CPQ: variants seen among roughly 807,000 people sequenced by gnomAD.
The protein encoded by CPQ is Ser-Met dipeptidase.
Under a neutral mutation model 45.7 loss-of-function variants are expected in CPQ, and 37 were observed. The ratio of observed to expected loss-of-function variants is 0.81; its 90% CI spans 0.62 to 1.07. The LOEUF is 1.07. Among genes scored for constraint, CPQ ranks in the 50% least tolerant of loss-of-function variants. The probability of loss-of-function intolerance (pLI) is 0.00; values close to 1 mark genes in which losing one functional copy is unlikely to be tolerated. For missense variants in CPQ, 537 were observed against 572.9 expected, an observed-to-expected ratio of 0.94 and a Z score of 0.64; for synonymous variants, 186 against 205.8, an observed-to-expected ratio of 0.90 and a Z score of 0.82.
chr8:96,880,391 G>A (rs1812204825), intron 4 of CPQ, among the ~76,000 whole-genome samples: 2 of 151,694 alleles, frequency 1.3e-5, no homozygotes, highest in African/African-American at 4.8e-5. Flanking sequence ...CCAAAGGAAA[G>A]TAAATTGTTC....
chr8:96,963,824 C>A (rs193042662), intron 4 of CPQ, among the ~76,000 whole-genome samples: 108 of 152,220 alleles, frequency 7.1e-4, no homozygotes, highest in Non-Finnish European at 1.2e-3. Context: ...TCCTCTACCC[C>A]CTTTTTGTCA....
intron 1 of CPQ, among the ~76,000 whole-genome samples, chr8:96,776,547 C>G (rs756620976): frequency 2.6e-5 from 4 of 152,010 alleles, no homozygotes; most frequent in African/African-American, 4.8e-5. Context: ...TTTATCATAG[C>G]CTGAGACATT....
intron 1 of CPQ, among the ~76,000 whole-genome samples, chr8:96,657,019 C>CT (rs201700797): frequency 0.024 from 3,473 of 143,966 alleles, 132 homozygotes; most frequent in African/African-American, 0.079. Context: ...CTCTGGTTAC[C>CT]TTTTTTTTTT....
At chr8:97,012,743 T>A (rs990093138) in intron 5 of CPQ, among the ~76,000 whole-genome samples, 2 of 152,158 alleles carry the variant, frequency 1.3e-5, no homozygotes, top group Non-Finnish European at 2.9e-5. Context: ...TTAGAAGATA[T>A]ATCAAAATGA....
At chr8:97,123,138 TAAAATAAAATAAATAAAATA>T (rs1811772230) in intron 7 of CPQ, among the ~76,000 whole-genome samples, 1 of 51,504 alleles carries the variant, frequency 1.9e-5, no homozygotes, top group Admixed American at 2.1e-4. Flanking sequence ...TAAAATAAAA[TAAAATAAAATAAATAAAATA>T]AAATAAAATA....
Position 96,767,832 on chromosome 8 carries a change from A to G in CPQ, c.-34-17032A>G, listed in dbSNP as rs1324171345. On this transcript the variant is annotated intron_variant, in intron 1 of 7. Coordinates refer to ENST00000220763, the MANE Select transcript of CPQ (RefSeq NM_016134.4). ...CTAATTTATGGTATTTTTAGTAGAG[A>G]CAGGGTTTCACATGTTGGCCAGGCT... Among the ~76,000 whole-genome samples, 4 of 151,694 alleles carry G rather than the reference A, an allele frequency of 2.6e-5. No homozygotes were observed. The East Asian group carries it at 7.8e-4, about 29-fold the overall frequency.
At chr8:96,887,292 A>G (rs1229172918) in intron 4 of CPQ, among the ~76,000 whole-genome samples, 2 of 152,234 alleles carry the variant, frequency 1.3e-5, no homozygotes, top group Non-Finnish European at 1.5e-5. Flanking sequence ...TGCTTTGACC[A>G]GGCTAACATG....
At chr8:97,062,535 C>T (rs1383426763) in intron 6 of CPQ, among the ~76,000 whole-genome samples, 1 of 152,126 alleles carries the variant, frequency 6.6e-6, no homozygotes, top group Non-Finnish European at 1.5e-5. Context: ...GGAAACTTGC[C>T]TCCTGAGAGT....
intron 5 of CPQ, among the ~76,000 whole-genome samples, chr8:96,987,067 T>C (rs1808998728): frequency 6.6e-6 from 1 of 152,064 alleles, no homozygotes; most frequent in Non-Finnish European, 1.5e-5. Context: ...ATCTTTCAAA[T>C]CCCTCCATAG....
chr8:96,645,656 G>A (rs765107822), intron 1 of CPQ, among the ~76,000 whole-genome samples: 1 of 152,060 alleles, frequency 6.6e-6, no homozygotes, highest in Non-Finnish European at 1.5e-5. Flanking sequence ...TGACGTGGGG[G>A]TGGTGGAGGG....
intron 5 of CPQ, among the ~76,000 whole-genome samples, chr8:96,981,696 A>T (rs754155432): frequency 2.6e-5 from 4 of 152,248 alleles, no homozygotes; most frequent in Admixed American, 1.3e-4. Flanking sequence ...AAACTTATAA[A>T]GCAGAGGTTT....
intron 7 of CPQ, among the ~76,000 whole-genome samples, chr8:97,103,908 C>T (rs1177990715): frequency 6.6e-6 from 1 of 152,116 alleles, no homozygotes; most frequent in Non-Finnish European, 1.5e-5. Flanking sequence ...CCAGGCTGCT[C>T]CTGAAGCAGG....
Position 97,060,385 on chromosome 8 carries a change from A to G in CPQ, c.1054-5624A>G, listed in dbSNP as rs182433885. ...CAGCATGTGATTGTAGCACAAGACAATTATGAATCCTCAACCCTGAGCAGA... is the reference window on the plus strand; with the variant it reads ...CAGCATGTGATTGTAGCACAAGACAGTTATGAATCCTCAACCCTGAGCAGA... On this transcript the variant is annotated intron_variant, in intron 6 of 7. Coordinates refer to ENST00000220763, the MANE Select transcript of CPQ (RefSeq NM_016134.4). 2.1e-3 allele frequency among the ~76,000 whole-genome samples: 322 copies of G among 152,270 alleles called. 1 individual carries two copies. Among genetic ancestry groups the G allele is most frequent in the Middle Eastern group, 6.8e-3 (2 of 294 alleles).
In CPQ at chr8:96,864,336, C is replaced by T. The variant is rs142677745; in HGVS notation, c.642-15462C>T. Among the ~76,000 whole-genome samples the T allele has an allele frequency of 5.2e-3, 790 of 152,170 alleles. 6 individuals carry two copies. The highest frequency in any genetic ancestry group is 8.6e-3 in the Non-Finnish European group (583 of 67,962). On this transcript the variant is annotated intron_variant, in intron 3 of 7. Transcript: ENST00000220763. ...GGAAGATATTGCCATCTGGAGTTCT[C>T]TGATTTCCTGTAAGTTCTTGGAGAC...
intron 4 of CPQ, among the ~76,000 whole-genome samples, chr8:96,944,526 C>T (rs1813164154): frequency 6.6e-6 from 1 of 152,114 alleles, no homozygotes; most frequent in African/African-American, 2.4e-5. Flanking sequence ...AAAAAAAGGA[C>T]TGGTACAAAA....
intron 5 of CPQ, among the ~76,000 whole-genome samples, chr8:96,990,398 A>G (rs1398646034): frequency 1.3e-5 from 2 of 152,184 alleles, no homozygotes; most frequent in African/African-American, 4.8e-5. Context: ...TTAAATGTGA[A>G]TAATAACACC....
intron 1 of CPQ, among the ~76,000 whole-genome samples, chr8:96,740,905 G>A (rs1018154515): frequency 1.3e-5 from 2 of 152,296 alleles, no homozygotes; most frequent in Non-Finnish European, 2.9e-5. Flanking sequence ...GTTCATCAAG[G>A]ATATTGGTCT....
At chr8:96,955,307 G>A (rs988577841) in intron 4 of CPQ, among the ~76,000 whole-genome samples, 48 of 152,186 alleles carry the variant, frequency 3.2e-4, no homozygotes, top group African/African-American at 1.2e-3. Context: ...GTGTGAGATG[G>A]TATCTCATTG....
chr8:96,749,616 G>A (rs1293145600), intron 1 of CPQ, among the ~76,000 whole-genome samples: 2 of 152,098 alleles, frequency 1.3e-5, no homozygotes, highest in Non-Finnish European at 2.9e-5. Context: ...GAGGACTCTG[G>A]ATGGGAAAAA....
Sources: allele counts gnomAD v4.1 joint callset (sites outside exome capture counted in the v4.1 genomes callset), GRCh38; gene constraint gnomAD v4.1.1; transcripts MANE v1.5; gene names NCBI Gene and HGNC (gene_info 2026-07-23, HGNC 2026-07-21).